LAMA2: variants seen among roughly 807,000 people sequenced by gnomAD.
LAMA2 encodes laminin subunit alpha 2.
Under a neutral mutation model 364.8 loss-of-function variants are expected in LAMA2, and 269 were observed. The ratio of observed to expected loss-of-function variants is 0.74; its 90% CI spans 0.67 to 0.82. LAMA2 has a LOEUF of 0.82. Among genes scored for constraint, LAMA2 ranks in the 40% least tolerant of loss-of-function variants. The pLI is 0.00. For missense variants in LAMA2, 3,807 were observed against 3,873.2 expected (o/e 0.98, Z 0.45); for synonymous variants, 1,379 against 1,370.6 (o/e 1.01, Z -0.14).
intron 12 of LAMA2, among the ~76,000 whole-genome samples, chr6:129,232,885 A>C (rs534683577): frequency 6.6e-6 from 1 of 152,288 alleles, no homozygotes; most frequent in African/African-American, 2.4e-5. Context: ...TTGAAGCATG[A>C]AAAATATTTC....
At chr6:128,948,308 A>G (rs901413944) in intron 1 of LAMA2, among the ~76,000 whole-genome samples, 1 of 152,166 alleles carries the variant, frequency 6.6e-6, no homozygotes, top group Non-Finnish European at 1.5e-5. Flanking sequence ...TTCTCCCTTC[A>G]TCAACAAAGA....
chr6:129,225,612 A>C (rs1489715857), intron 12 of LAMA2, among the ~76,000 whole-genome samples: 3 of 152,326 alleles, frequency 2.0e-5, no homozygotes, highest in South Asian at 2.1e-4. Flanking sequence ...ATTCAGGAAC[A>C]GGTTGTTCAG....
intron 40 of LAMA2, among the ~76,000 whole-genome samples, chr6:129,411,822 CA>C (rs1341735082): frequency 6.6e-6 from 1 of 151,510 alleles, no homozygotes. Flanking sequence ...CAAAAGTGAA[CA>C]AAAAGATAGA....
At chr6:128,982,265 C>T (rs551285200) in intron 1 of LAMA2, among the ~76,000 whole-genome samples, 2 of 152,178 alleles carry the variant, frequency 1.3e-5, no homozygotes, top group African/African-American at 4.8e-5. Context: ...TAGAGGCAAA[C>T]ACCAACACAG....
chr6:129,437,395 C>T (rs142039834), intron 41 of LAMA2, among the ~76,000 whole-genome samples: 1 of 152,082 alleles, frequency 6.6e-6, no homozygotes, highest in East Asian at 1.9e-4. Context: ...GTGTAACATA[C>T]ACATTCAATG....
chr6:129,278,999 A>G (rs930515026), intron 17 of LAMA2, among the ~76,000 whole-genome samples: 4 of 152,196 alleles, frequency 2.6e-5, no homozygotes, highest in Non-Finnish European at 5.9e-5. Flanking sequence ...AGCAGGATCA[A>G]ATCAGGACTT....
intron 31 of LAMA2, among the ~76,000 whole-genome samples, chr6:129,352,588 G>A (rs1776914014): frequency 6.6e-6 from 1 of 152,170 alleles, no homozygotes; most frequent in Admixed American, 6.5e-5. Context: ...TTTGAGATCT[G>A]AAATTCATGA....
chr6:129,058,627 T>C (rs938383035), intron 2 of LAMA2, among the ~76,000 whole-genome samples: 4 of 152,220 alleles, frequency 2.6e-5, no homozygotes, highest in African/African-American at 7.2e-5. Flanking sequence ...TTATCTCTCA[T>C]ATTATTAAAT....
intron 1 of LAMA2, among the ~76,000 whole-genome samples, chr6:129,013,590 A>G (rs1298514922): frequency 1.3e-5 from 2 of 152,206 alleles, no homozygotes; most frequent in Non-Finnish European, 2.9e-5. Flanking sequence ...CAATGTCTCT[A>G]TTTTAGAAAG....
intron 12 of LAMA2, among the ~76,000 whole-genome samples, chr6:129,224,367 A>C (rs981669865): frequency 1.3e-5 from 2 of 152,186 alleles, no homozygotes; most frequent in African/African-American, 4.8e-5. Flanking sequence ...CCCTGGCCAG[A>C]ACTTCCAACA....
At chr6:129,382,593 G>A (rs922399788) in intron 34 of LAMA2, among the ~76,000 whole-genome samples, 7 of 152,174 alleles carry the variant, frequency 4.6e-5, no homozygotes, top group African/African-American at 1.7e-4. Flanking sequence ...TCTTTGATGT[G>A]TTATAAAACA....
At chr6:129,414,336 A>G (rs1257970084) in intron 40 of LAMA2, among the ~76,000 whole-genome samples, 2 of 152,142 alleles carry the variant, frequency 1.3e-5, no homozygotes, top group Non-Finnish European at 2.9e-5. Context: ...GGCTGATACA[A>G]TCTTGATGGC....
intron 15 of LAMA2, among the ~76,000 whole-genome samples, chr6:129,264,329 T>C (rs9492287): frequency 0.26 from 40,149 of 151,848 alleles, 7,774 homozygotes; most frequent in African/African-American, 0.55. Context: ...CCAGTTTGAA[T>C]GATTGATCAG....
intron 1 of LAMA2, among the ~76,000 whole-genome samples, chr6:128,907,542 A>G (rs1171592343): frequency 1.3e-5 from 2 of 152,072 alleles, no homozygotes; most frequent in Non-Finnish European, 2.9e-5. Flanking sequence ...GGACTGAGAC[A>G]ATGGGGTTTT....
At chr6:129,307,834 A>AT (rs927993666) in intron 22 of LAMA2, among the ~76,000 whole-genome samples, 19 of 152,156 alleles carry the variant, frequency 1.2e-4, no homozygotes, top group Non-Finnish European at 2.5e-4. Flanking sequence ...TAATAAGGGC[A>AT]TTTTTTTATG....
At chr6:129,168,128 G>C (rs538251698) in intron 9 of LAMA2, among the ~76,000 whole-genome samples, 168 of 142,352 alleles carry the variant, frequency 1.2e-3, no homozygotes, top group Admixed American at 3.8e-3. Context: ...TGTTCACTCT[G>C]ATGGTAGTTT....
At chr6:129,511,342 C>CTGT (rs1472447577) in intron 62 of LAMA2, among the ~76,000 whole-genome samples, 1 of 152,086 alleles carries the variant, frequency 6.6e-6, no homozygotes, top group Non-Finnish European at 1.5e-5. Context: ...TTCTCCCTTT[C>CTGT]TGTTTTATTT....
At chr6:129,180,088 T>C (rs1260498844) in intron 10 of LAMA2, among the ~76,000 whole-genome samples, 1 of 151,848 alleles carries the variant, frequency 6.6e-6, no homozygotes, top group Non-Finnish European at 1.5e-5. Flanking sequence ...TGTATTTAAA[T>C]ACTGAAAAGA....
chr6:129,042,490 CTAATTTT>C (rs1417098914), intron 1 of LAMA2, among the ~76,000 whole-genome samples: 7 of 151,704 alleles, frequency 4.6e-5, no homozygotes, highest in African/African-American at 1.2e-4. Flanking sequence ...TTAAATACTG[CTAATTTT>C]TTTCAAGCTC....
Sources: allele counts gnomAD v4.1 joint callset (sites outside exome capture counted in the v4.1 genomes callset), GRCh38; gene constraint gnomAD v4.1.1; transcripts MANE v1.5; gene names NCBI Gene and HGNC (gene_info 2026-07-23, HGNC 2026-07-21).